Variants in LMX1B observed in about 807,000 individuals in gnomAD.
LMX1B encodes LIM homeobox transcription factor 1-beta.
In LMX1B, 12 loss-of-function variants were observed where a neutral mutation model predicts 51.4. The ratio of observed to expected loss-of-function variants is 0.23; its 90% confidence interval spans 0.15 to 0.38. LMX1B has a LOEUF of 0.38. Among genes scored for constraint, LMX1B ranks in the 10% least tolerant of loss-of-function variants. The pLI is 1.00. For missense variants in LMX1B, 445 were observed against 571.1 expected (o/e 0.78, Z 2.25); for synonymous variants, 237 against 235.4 (o/e 1.01, Z -0.06).
chr9:126,691,898 G>T (rs1303710496), intron 3 of LMX1B, among the ~76,000 whole-genome samples: 1 of 152,218 alleles, frequency 6.6e-6, no homozygotes, highest in Non-Finnish European at 1.5e-5. Context: ...CCCCCAAAAG[G>T]ACGAGGCCAA....
chr9:126,659,991 T>TGGGG (rs549672069), intron 2 of LMX1B, among the ~76,000 whole-genome samples: 44 of 112,890 alleles, frequency 3.9e-4, no homozygotes, highest in African/African-American at 1.3e-3. Flanking sequence ...TTGTCCTGTG[T>TGGGG]GTGTCTACAC....
chr9:126,693,304 C>T lies in LMX1B; in HGVS notation c.722C>T (p.Ser241Leu), dbSNP rs2030204465. The T allele has an allele frequency of 6.2e-7, 1 of 1,604,976 alleles. No homozygotes were observed. Among genetic ancestry groups the T allele is most frequent in the Non-Finnish European group, 8.5e-7 (1 of 1,176,502 alleles). Residue 241 changes from serine (S) to leucine (L), a missense_variant, in exon 4 of 8, where the codon TCG (serine) becomes TTG (leucine). This residue lies in a region of LMX1B where 273 missense variants were observed against 343.3 expected (regional missense o/e 0.80). Coordinates refer to ENST00000373474, the MANE Select transcript of LMX1B (RefSeq NM_001174147.2). The stretch of plus-strand genomic sequence containing the variant: ...GCCTTCAAGGCCTCCTTCGAGGTCT[C>T]GTCGAAGCCTTGCCGAAAGGTGAGG... ...RRAFKASFEV[S>L]SKPCRKVRET...
At chr9:126,665,728 A>G (rs564110626) in intron 2 of LMX1B, among the ~76,000 whole-genome samples, 1 of 152,288 alleles carries the variant, frequency 6.6e-6, no homozygotes, top group African/African-American at 2.4e-5. Flanking sequence ...TGGCCTTTGA[A>G]CAGAGTAGGC....
intron 2 of LMX1B, among the ~76,000 whole-genome samples, chr9:126,682,845 A>C (rs572965205): frequency 6.9e-6 from 1 of 144,728 alleles, no homozygotes; most frequent in African/African-American, 2.5e-5. Flanking sequence ...CAATGAGCTG[A>C]GATCACGCCA....
intron 2 of LMX1B, among the ~76,000 whole-genome samples, chr9:126,681,388 C>G (rs1836668174): frequency 6.6e-6 from 1 of 152,162 alleles, no homozygotes; most frequent in South Asian, 2.1e-4. Context: ...CCTCTAGTGG[C>G]AACTCCATCA....
intron 2 of LMX1B, among the ~76,000 whole-genome samples, chr9:126,634,734 GCGATTAATC>G (rs1835685788): frequency 6.6e-6 from 1 of 152,164 alleles, no homozygotes; most frequent in Admixed American, 6.5e-5. Flanking sequence ...TAATTTTGTA[GCGATTAATC>G]CAGGGGAGGG....
intron 2 of LMX1B, among the ~76,000 whole-genome samples, chr9:126,633,938 T>G (rs1835672568): frequency 6.6e-6 from 1 of 152,106 alleles, no homozygotes; most frequent in Admixed American, 6.6e-5. Flanking sequence ...CACAGCTTTG[T>G]GTGACCCCTC....
At position 126,660,307 on chromosome 9, in the gene LMX1B, A is replaced by C. The variant is rs1006725992; in HGVS notation, c.327-30529A>C. Reference sequence around the variant, plus strand: ...GTGGGGGTGTCTACACTGGCTTCAGAGGTTGTCCTATGTGTGTGTCTACGC... The same window carrying C: ...GTGGGGGTGTCTACACTGGCTTCAGCGGTTGTCCTATGTGTGTGTCTACGC... On this transcript the variant is annotated intron_variant, in intron 2 of 7. Coordinates refer to ENST00000373474, the MANE Select transcript of LMX1B (RefSeq NM_001174147.2). 9.2e-5 allele frequency among the ~76,000 whole-genome samples: 14 copies of C among 152,072 alleles called. 1 individual carries two copies. The highest frequency in any genetic ancestry group is 9.2e-4 in the Admixed American group (14 of 15,282).
chr9:126,652,297 G>GGC (rs35697163), intron 2 of LMX1B, among the ~76,000 whole-genome samples: 7 of 82,088 alleles, frequency 8.5e-5, no homozygotes, highest in East Asian at 1.4e-3. Context: ...AGGAGGAGAA[G>GGC]GGGGGGGGGA....
chr9:126,683,120 GC>G (rs1836707146), intron 2 of LMX1B, among the ~76,000 whole-genome samples: 1 of 150,954 alleles, frequency 6.6e-6, no homozygotes, highest in Non-Finnish European at 1.5e-5. Context: ...ACAGCTGCGG[GC>G]CGCAGGAAGC....
intron 2 of LMX1B, among the ~76,000 whole-genome samples, chr9:126,666,391 A>G (rs900880943): frequency 6.6e-6 from 1 of 152,204 alleles, no homozygotes; most frequent in African/African-American, 2.4e-5. Flanking sequence ...CAGCTGAGCC[A>G]GGTGACAGAG....
chr9:126,660,054 T>C (rs933274198), intron 2 of LMX1B, among the ~76,000 whole-genome samples: 2 of 141,146 alleles, frequency 1.4e-5, no homozygotes, highest in Non-Finnish European at 1.6e-5. Context: ...TCAGAGGTTG[T>C]CCTGCGTGGG....
intron 2 of LMX1B, among the ~76,000 whole-genome samples, chr9:126,653,862 A>G (rs1836064685): frequency 6.6e-6 from 1 of 151,712 alleles, no homozygotes; most frequent in Non-Finnish European, 1.5e-5. Context: ...TTGTCTTGGT[A>G]TCTCTCATCT....
In LMX1B at chr9:126,677,090, C is replaced by T. The variant is rs976040332; in HGVS notation, c.327-13746C>T. Among the ~76,000 whole-genome samples, 1 of 152,178 alleles carries T rather than the reference C, an allele frequency of 6.6e-6. No individual in the cohort carries two copies. The highest frequency in any genetic ancestry group is 2.4e-5 in the African/African-American group (1 of 41,456). ...AGTTACCCACTAAATGGGCGGGCTG[C>T]GTGCCCTGCCTGTCCCGAAGGCCGA... On this transcript the variant is annotated intron_variant, in intron 2 of 7. Coordinates refer to ENST00000373474, the MANE Select transcript of LMX1B (RefSeq NM_001174147.2). The surrounding 1 kb of genome is among the most constrained non-coding windows in gnomAD (Gnocchi z 5.0).
At position 126,696,832 on chromosome 9, in the gene LMX1B, G is replaced by A; in HGVS notation, c.*381G>A. The A allele has an allele frequency of 3.2e-6, 1 of 314,476 alleles. No homozygotes were observed. The highest frequency in any genetic ancestry group is 8.1e-5 in the East Asian group (1 of 12,374). 19.5% of individuals were successfully genotyped at this position (314,476 alleles called of 1,614,324 possible). A position where few individuals can be genotyped will look rare whatever the true frequency, so the allele number is the denominator to read the frequency against. On this transcript the variant is annotated 3_prime_UTR_variant, in exon 8 of 8. Coordinates refer to ENST00000373474, the MANE Select transcript of LMX1B (RefSeq NM_001174147.2). ...TCCATGGCCCTCCATGCAAGCCCCA[G>A]GACAATGGTGTCATGAGGCGGTGAC... is the stretch of plus-strand genomic sequence containing the variant.
Position 126,696,016 on chromosome 9 carries a change from A to ACGGGGGGCCCCC in LMX1B, c.1051+14_1051+15insGGGGGGCCCCCC. On this transcript the variant is annotated intron_variant, in intron 7 of 7. Coordinates refer to ENST00000373474, the MANE Select transcript of LMX1B (RefSeq NM_001174147.2). ...ATGAACCCCTATGGTAAGCCGCCCT[A>ACGGGGGGCCCCC]CCCCCACCCGCCCGCCCCAGCACAG... is the stretch of plus-strand genomic sequence containing the variant. The ACGGGGGGCCCCC allele has an allele frequency of 2.0e-6, 3 of 1,512,702 alleles. No individual in the cohort carries two copies. Among genetic ancestry groups the ACGGGGGGCCCCC allele is most frequent in the Non-Finnish European group, 2.7e-6 (3 of 1,131,798 alleles). 93.7% of individuals were successfully genotyped at this position (1,512,702 alleles called of 1,614,324 possible).
rs201556524 is a variant in LMX1B, at chr9:126,697,556, CTT to C, written c.*1106_*1107del. On this transcript the variant is annotated 3_prime_UTR_variant, in exon 8 of 8. Transcript: ENST00000373474. ...GAGCCAGGCTTCCCCAGCTCTCCCTCTTAACACTGTCCCCCAGCAGGCCTCCG... is the reference window on the plus strand; with the variant it reads ...GAGCCAGGCTTCCCCAGCTCTCCCTCAACACTGTCCCCCAGCAGGCCTCCG... 3,049 of 152,694 alleles carry C rather than the reference CTT, an allele frequency of 0.02. 78 individuals carry two copies. Among genetic ancestry groups the C allele is most frequent in the African/African-American group, 0.062 (2,583 of 41,560 alleles). 9.5% of individuals were successfully genotyped at this position (152,694 alleles called of 1,614,324 possible). A position where few individuals can be genotyped will look rare whatever the true frequency, so the allele number is the denominator to read the frequency against.
At position 126,615,386 on chromosome 9, in the gene LMX1B, C is replaced by G. The variant is rs1305531612; in HGVS notation, c.143C>G (p.Ser48Cys). The change falls in exon 2 of 8, where the codon TCC (serine) becomes TGC (cysteine). Residue 48 changes from serine (S) to cysteine (C), a missense_variant. Transcript: ENST00000373474. This position sits in a 1 kb window ranked among gnomAD's most constrained non-coding sequence, Gnocchi z 6.0. ...GCTTTCGCCCTGTGCGCTACAGGCT[C>G]CGACTGCCCGCATCCCGCCGTCTGC... is the stretch of plus-strand genomic sequence containing the variant. ...GPATLGVLLG[S>C]DCPHPAVCEG... The G allele has an allele frequency of 1.9e-6, 3 of 1,597,334 alleles. No individual in the cohort carries two copies. Among genetic ancestry groups the G allele is most frequent in the Admixed American group, 1.7e-5 (1 of 58,920 alleles).
chr9:126,660,132 G>T (rs1340323464), intron 2 of LMX1B, among the ~76,000 whole-genome samples: 1 of 150,108 alleles, frequency 6.7e-6, no homozygotes, highest in Non-Finnish European at 1.5e-5. Context: ...AGATTGTCCT[G>T]TGTGGGGATG....
Sources: gnomAD v4.1 joint callset for allele counts (sites outside exome capture counted in the v4.1 genomes callset) on GRCh38, gnomAD v4.1.1 for gene constraint, gnomAD v4.1.1 regional missense constraint, Gnocchi (gnomAD v3.1) non-coding constraint, MANE v1.5 for transcripts, NCBI Gene and HGNC (gene_info 2026-07-23, HGNC 2026-07-21) for gene names.